XKR6: variants seen among roughly 807,000 people sequenced by gnomAD.
The protein encoded by XKR6 is XK-related protein 6.
A neutral mutation model predicts 56.7 loss-of-function variants in XKR6; 22 were observed. The ratio of observed to expected loss-of-function variants is 0.39; its 90% CI spans 0.28 to 0.55. The LOEUF is 0.55. Among genes scored for constraint, XKR6 ranks in the 20% least tolerant of loss-of-function variants. The pLI, the probability that XKR6 is intolerant of heterozygous loss-of-function variation, is 0.66. For synonymous variants in XKR6, 524 were observed against 387.8 expected (o/e 1.35, Z -4.13); for missense variants, 852 against 889.0 (o/e 0.96, Z 0.53).
intron 1 of XKR6, among the ~76,000 whole-genome samples, chr8:10,971,477 A>G (rs915861955): frequency 1.3e-5 from 2 of 152,114 alleles, no homozygotes; most frequent in African/African-American, 2.4e-5. Flanking sequence ...AAAAAATAAA[A>G]TTACGAGCAG....
rs571533488 is a variant in XKR6 at position 10,960,041 on chromosome 8, C to T, written c.765-35211G>A. On this transcript the variant is annotated intron_variant, in intron 1 of 2. Coordinates refer to ENST00000416569, the MANE Select transcript of XKR6 (RefSeq NM_173683.4). ...GCCTCCTTAAAATTTGCACCTGGCACCTTGTGTGTCTCACCCTAATCCTGG... is the reference window on the plus strand; with the variant it reads ...GCCTCCTTAAAATTTGCACCTGGCATCTTGTGTGTCTCACCCTAATCCTGG... Among the ~76,000 whole-genome samples, 4 of 152,342 alleles carry T rather than the reference C, an allele frequency of 2.6e-5. No homozygotes were observed. The East Asian group carries it at 5.8e-4, about 22-fold the overall frequency.
At chr8:11,036,815 T>C (rs1799156123) in intron 1 of XKR6, among the ~76,000 whole-genome samples, 1 of 152,224 alleles carries the variant, frequency 6.6e-6, no homozygotes, top group Non-Finnish European at 1.5e-5. Flanking sequence ...GGCCACAGAC[T>C]TAGGTCACGC....
At chr8:10,942,170 CCA>C (rs1394667484) in intron 1 of XKR6, among the ~76,000 whole-genome samples, 1 of 152,158 alleles carries the variant, frequency 6.6e-6, no homozygotes, top group African/African-American at 2.4e-5. Flanking sequence ...CTCGAACATA[CCA>C]CACACAGTTG....
intron 1 of XKR6, chr8:11,123,738 C>A (rs1799598248): frequency 4.8e-6 from 2 of 417,936 alleles, no homozygotes; most frequent in South Asian, 1.7e-5. Flanking sequence ...CCAATATGCA[C>A]CCCTACCCCG....
At chr8:11,103,344 C>G (rs1348179689) in intron 1 of XKR6, among the ~76,000 whole-genome samples, 3 of 152,160 alleles carry the variant, frequency 2.0e-5, no homozygotes, top group Non-Finnish European at 4.4e-5. Flanking sequence ...TTCAAACATT[C>G]AGGAGTTCAA....
Position 10,898,186 on chromosome 8 carries a change from T to A in XKR6, c.1692A>T (p.Gln564His). Residue 564 changes from glutamine to histidine, a missense_variant, in exon 3 of 3, where the codon CAA becomes CAT. Gln to His is a conservative substitution (Grantham distance 24). Coordinates refer to ENST00000416569, the MANE Select transcript of XKR6 (RefSeq NM_173683.4). The surrounding 1 kb of genome is among the most constrained non-coding windows in gnomAD (Gnocchi z 6.6). The part of the protein sequence containing the change: ...LTADTCLPVF[Q>H]VRPMGPPTPL... ...GGGTAGGGGGCCCCATGGGTCTCAC[T>A]TGGAAAACAGGCAAGCAAGTGTCAG... The A allele has an allele frequency of 6.2e-7, 1 of 1,614,122 alleles. No individual in the cohort carries two copies. The highest frequency in any genetic ancestry group is 8.5e-7 in the Non-Finnish European group (1 of 1,180,006).
chr8:10,992,190 A>G (rs187413366), intron 1 of XKR6, among the ~76,000 whole-genome samples: 12 of 152,342 alleles, frequency 7.9e-5, no homozygotes, highest in Admixed American at 3.9e-4. Context: ...ATGTTTTTAA[A>G]GGAGGTTACA....
At chr8:11,040,509 G>A (rs1799260365) in intron 1 of XKR6, among the ~76,000 whole-genome samples, 1 of 152,124 alleles carries the variant, frequency 6.6e-6, no homozygotes, top group Admixed American at 6.6e-5. Flanking sequence ...TCCAGCCTGG[G>A]TGACCGTGCA....
Position 11,046,234 on chromosome 8 carries a change from T to C in XKR6, c.765-121404A>G, listed in dbSNP as rs551115810. Among the ~76,000 whole-genome samples, 478 of 152,162 alleles carry C rather than the reference T, an allele frequency of 3.1e-3. 2 individuals carry two copies. The highest frequency in any genetic ancestry group is 0.011 in the African/African-American group (456 of 41,510). ...ATCAATATGGTGAAACCCCCGTCTCTACTAAAAATACAAAAATTAGCTGGG... is the reference window on the plus strand; with the variant it reads ...ATCAATATGGTGAAACCCCCGTCTCCACTAAAAATACAAAAATTAGCTGGG... On this transcript the variant is annotated intron_variant, in intron 1 of 2. Coordinates refer to ENST00000416569, the MANE Select transcript of XKR6 (RefSeq NM_173683.4).
intron 1 of XKR6, among the ~76,000 whole-genome samples, chr8:11,001,212 C>A (rs949814136): frequency 6.6e-6 from 1 of 152,152 alleles, no homozygotes; most frequent in Non-Finnish European, 1.5e-5. Context: ...GGAAGAACTC[C>A]CCTTCCGATG....
intron 1 of XKR6, among the ~76,000 whole-genome samples, chr8:11,149,817 G>A (rs915565962): frequency 2.0e-5 from 3 of 152,218 alleles, no homozygotes; most frequent in African/African-American, 7.2e-5. Flanking sequence ...TAGCAAAGAT[G>A]TGGACTCACC....
intron 1 of XKR6, among the ~76,000 whole-genome samples, chr8:10,990,506 G>A (rs1409550592): frequency 1.3e-5 from 2 of 152,150 alleles, no homozygotes; most frequent in Non-Finnish European, 2.9e-5. Context: ...TTCTGGCCCT[G>A]GTGGGAGCTG....
chr8:11,178,547 A>ATATATATATATATATAC (rs1802779230), intron 1 of XKR6, among the ~76,000 whole-genome samples: 30 of 88,498 alleles, frequency 3.4e-4, no homozygotes, highest in African/African-American at 1.7e-3. Flanking sequence ...GAGAGGTAAA[A>ATATATATATATATATAC]ATATATATAT....
At chr8:11,060,009 G>A (rs1008636836) in intron 1 of XKR6, among the ~76,000 whole-genome samples, 2 of 152,142 alleles carry the variant, frequency 1.3e-5, no homozygotes, top group Admixed American at 6.5e-5. Context: ...CAGGCAATAA[G>A]GTCTGGTTTA....
intron 1 of XKR6, among the ~76,000 whole-genome samples, chr8:11,185,970 C>A (rs1453218173): frequency 6.6e-6 from 1 of 152,098 alleles, no homozygotes; most frequent in Non-Finnish European, 1.5e-5. Context: ...ATTTCTGTAC[C>A]ACCCTCAGAC....
At chr8:11,062,158 A>C (rs1190832750) in intron 1 of XKR6, among the ~76,000 whole-genome samples, 1 of 152,162 alleles carries the variant, frequency 6.6e-6, no homozygotes, top group Non-Finnish European at 1.5e-5. Context: ...ACAAGAGGAG[A>C]AGCTGCACAC....
chr8:11,022,531 C>CT (rs2129149034), intron 1 of XKR6, among the ~76,000 whole-genome samples: 1 of 152,286 alleles, frequency 6.6e-6, no homozygotes, highest in African/African-American at 2.4e-5. Context: ...GGGACAAAGA[C>CT]TAAGTGTCAA....
rs114631078 is a variant in XKR6 at position 11,035,575 on chromosome 8, A to G, written c.765-110745T>C. Among the ~76,000 whole-genome samples the G allele has an allele frequency of 9.1e-3, 1,384 of 152,330 alleles. 27 individuals are homozygous for G. Among genetic ancestry groups the G allele is most frequent in the African/African-American group, 0.032 (1,337 of 41,570 alleles). On this transcript the variant is annotated intron_variant, in intron 1 of 2. Transcript: ENST00000416569. ...TTCTGCTCTGCAGCTGAACTTCAAG[A>G]ACCCAGCTGCATCTCGAAGTTCTCG... is the stretch of plus-strand genomic sequence containing the variant.
intron 1 of XKR6, among the ~76,000 whole-genome samples, chr8:11,042,490 C>T (rs1799310511): frequency 6.6e-6 from 1 of 152,174 alleles, no homozygotes. Context: ...TGTTGTCTGC[C>T]ACCATGTAAG....
Sources: allele counts gnomAD v4.1 joint callset (sites outside exome capture counted in the v4.1 genomes callset), GRCh38; gene constraint gnomAD v4.1.1; non-coding constraint Gnocchi (gnomAD v3.1); transcripts MANE v1.5; gene names NCBI Gene and HGNC (gene_info 2026-07-23, HGNC 2026-07-21).